The following MARCHF7 variants were observed in gnomAD, a reference collection of about 807,000 sequenced individuals.
MARCHF7 encodes the protein membrane associated ring-CH-type finger 7.
In MARCHF7, 20 loss-of-function variants were observed where a neutral mutation model predicts 76.5. The observed-to-expected ratio is 0.26, with a 90% confidence interval of 0.18 to 0.38. The LOEUF is 0.38. Among genes scored for constraint, MARCHF7 ranks in the 10% least tolerant of loss-of-function variants. The pLI is 1.00. For synonymous variants in MARCHF7, 295 were observed against 293.0 expected, an observed-to-expected ratio of 1.01 and a Z score of -0.07; for missense variants, 797 against 812.9, an observed-to-expected ratio of 0.98 and a Z score of 0.24.
intron 5 of MARCHF7, 44 bp downstream of exon 5, chr2:159,743,297 G>A: frequency 6.5e-7 from 1 of 1,546,324 alleles, no homozygotes; most frequent in East Asian, 2.3e-5. Flanking sequence ...TTTTTCTCCA[G>A]GTGTAACACA....
rs1431967621 is a variant in MARCHF7, at chr2:159,746,007, A to G, written c.514+70A>G. On this transcript the variant is annotated intron_variant, in intron 6 of 11. Coordinates refer to ENST00000409175, the MANE Select transcript of MARCHF7 (RefSeq NM_001282805.2). ...TTTCCTCTTTATGCATGTTACTAAA[A>G]CAACAGTACAAAGGAGTAAAGTGTA... The G allele has an allele frequency of 4.0e-6, 5 of 1,262,870 alleles. No homozygotes were observed. The African/African-American group carries it at 6.0e-5, about 15-fold the overall frequency. 78.2% of individuals were successfully genotyped at this position (1,262,870 alleles called of 1,614,324 possible).
rs1321460670 is a variant in MARCHF7, at chr2:159,748,213, C to T, written c.923C>T (p.Ser308Leu). ...RSSQDSLNTR[S>L]LNSENSYVSP... Reference sequence around the variant, plus strand: ...AGTCAGGATTCCTTGAATACAAGATCATTGAATTCTGAAAATTCTTACGTT... The same window carrying T: ...AGTCAGGATTCCTTGAATACAAGATTATTGAATTCTGAAAATTCTTACGTT... Residue 308 changes from serine (S) to leucine (L), a missense_variant, in exon 7 of 12, where the codon TCA becomes TTA. Coordinates refer to ENST00000409175, the MANE Select transcript of MARCHF7 (RefSeq NM_001282805.2). 1 of 1,613,962 alleles carries T rather than the reference C, an allele frequency of 6.2e-7. No individual in the cohort carries two copies. The highest frequency in any genetic ancestry group is 8.5e-7 in the Non-Finnish European group (1 of 1,179,974).
intron 4 of MARCHF7, among the ~76,000 whole-genome samples, chr2:159,735,148 T>C (rs1044872706): frequency 6.6e-6 from 1 of 152,202 alleles, no homozygotes; most frequent in Non-Finnish European, 1.5e-5. Context: ...AAGTTGTTGC[T>C]CATGGCTAAG....
At chr2:159,744,240 G>A (rs929156677) in intron 5 of MARCHF7, among the ~76,000 whole-genome samples, 30 of 151,814 alleles carry the variant, frequency 2.0e-4, no homozygotes, top group African/African-American at 7.3e-4. Flanking sequence ...CGCCCACCTC[G>A]GCCTCCCAAA....
At chr2:159,766,115 C>A (rs1707732653) in intron 11 of MARCHF7, among the ~76,000 whole-genome samples, 1 of 152,070 alleles carries the variant, frequency 6.6e-6, no homozygotes, top group Non-Finnish European at 1.5e-5. Flanking sequence ...GCATGAAAGA[C>A]AAGGGTGCTG....
chr2:159,759,503 A>ATT (rs5835757), intron 9 of MARCHF7, 168 bp downstream of exon 9: 280 of 301,418 alleles, frequency 9.3e-4, no homozygotes, highest in East Asian at 2.7e-3. Context: ...GAATTTCATA[A>ATT]TTTTTTTTTT....
chr2:159,764,716 T>C, intron 11 of MARCHF7, 42 bp downstream of exon 11: 3 of 1,539,622 alleles, frequency 1.9e-6, no homozygotes. Context: ...GAATTTACTT[T>C]TGCAAATTAA....
At chr2:159,746,149 C>A (rs1391784417) in intron 6 of MARCHF7, among the ~76,000 whole-genome samples, 1 of 152,008 alleles carries the variant, frequency 6.6e-6, no homozygotes, top group Non-Finnish European at 1.5e-5. Context: ...TTCCATCTAC[C>A]TTTACGTTGT....
rs756604895 is a variant in MARCHF7 at position 159,752,468 on chromosome 2, A to G, written c.1680A>G (p.Ala560=). The change falls in exon 8 of 12, where the codon GCA becomes GCG. Residue 560 remains alanine (A), a synonymous_variant. Coordinates refer to ENST00000409175, the MANE Select transcript of MARCHF7 (RefSeq NM_001282805.2). ...DLCRICQMAA[A]SSSNLLIEPC... ...GTAGAATTTGTCAAATGGCAGCTGC[A>G]TCATCATCTAATTTGCTGATAGAGC... 18 of 1,606,910 alleles carry G rather than the reference A, an allele frequency of 1.1e-5. No homozygotes were observed. The Admixed American group carries it at 2.9e-4, about 26-fold the overall frequency.
At chr2:159,764,818 A>G in intron 11 of MARCHF7, 144 bp downstream of exon 11, 1 of 446,096 alleles carries the variant, frequency 2.2e-6, no homozygotes, top group Non-Finnish European at 4.0e-6. Flanking sequence ...TTTGGGAAAT[A>G]TGGGTTGGGA....
intron 8 of MARCHF7, among the ~76,000 whole-genome samples, chr2:159,755,106 GAAA>G (rs1706128277): frequency 3.9e-5 from 6 of 152,178 alleles, no homozygotes; most frequent in Non-Finnish European, 8.8e-5. Flanking sequence ...GGCAACCATA[GAAA>G]TTAAAACCAG....
chr2:159,738,097 G>A (rs1223648656), intron 4 of MARCHF7, among the ~76,000 whole-genome samples: 7 of 152,206 alleles, frequency 4.6e-5, no homozygotes, highest in African/African-American at 7.2e-5. Context: ...CGCAGGGTCC[G>A]GCCACCGTTT....
chr2:159,727,879 C>T (rs574337271), intron 3 of MARCHF7, among the ~76,000 whole-genome samples: 122 of 152,292 alleles, frequency 8.0e-4, no homozygotes, highest in East Asian at 1.2e-3. Flanking sequence ...TCATTACTTT[C>T]GTCGTGGGTT....
chr2:159,763,683 T>C (rs975530946), intron 10 of MARCHF7, among the ~76,000 whole-genome samples: 1 of 152,212 alleles, frequency 6.6e-6, no homozygotes, highest in African/African-American at 2.4e-5. Flanking sequence ...CATAAGTATA[T>C]CCTTCAAACT....
intron 5 of MARCHF7, among the ~76,000 whole-genome samples, chr2:159,744,653 G>T (rs1260302688): frequency 6.6e-6 from 1 of 152,186 alleles, no homozygotes; most frequent in Non-Finnish European, 1.5e-5. Context: ...GAATGCCATG[G>T]GAAAGACGTG....
chr2:159,714,984 C>CA (rs1220260585), intron 2 of MARCHF7, among the ~76,000 whole-genome samples: 2 of 152,158 alleles, frequency 1.3e-5, no homozygotes, highest in Non-Finnish European at 2.9e-5. Context: ...TGTTCCTTAA[C>CA]AAAATAAAAA....
At chr2:159,748,929 C>A in intron 7 of MARCHF7, 26 bp downstream of exon 7, 1 of 1,513,498 alleles carries the variant, frequency 6.6e-7, no homozygotes, top group Middle Eastern at 1.9e-4. Flanking sequence ...TGTCTTAAGC[C>A]TATAAATCAA....
chr2:159,737,680 C>T lies in MARCHF7; in HGVS notation c.154-5381C>T, dbSNP rs555204900. On this transcript the variant is annotated intron_variant, in intron 4 of 11. Coordinates refer to ENST00000409175, the MANE Select transcript of MARCHF7 (RefSeq NM_001282805.2). ...TCGCATGCCTGTAGTCTCAGCTACT[C>T]TGGAGGCTGAGGTGGAAGGATTGCT... Among the ~76,000 whole-genome samples the T allele has an allele frequency of 3.9e-5, 6 of 152,216 alleles. No individual in the cohort carries two copies. In the East Asian group the frequency reaches 9.7e-4, roughly 24 times the overall value.
In MARCHF7 at chr2:159,770,936, G is replaced by A. The variant is rs1481721489; in HGVS notation, c.*3594G>A. 3 of 151,988 alleles carry A rather than the reference G, an allele frequency of 2.0e-5. No individual in the cohort carries two copies. The highest frequency in any genetic ancestry group is 4.4e-5 in the Non-Finnish European group (3 of 67,960). 9.4% of individuals were successfully genotyped at this position (151,988 alleles called of 1,614,324 possible). On this transcript the variant is annotated 3_prime_UTR_variant, in exon 12 of 12. Coordinates refer to ENST00000409175, the MANE Select transcript of MARCHF7 (RefSeq NM_001282805.2). Reference sequence around the variant, plus strand: ...TTATTGATGGTGAGGAAAATTACTCGTTTCAGCTTTTTCATTTTTTTACTC... The same window carrying A: ...TTATTGATGGTGAGGAAAATTACTCATTTCAGCTTTTTCATTTTTTTACTC...
Sources: gnomAD v4.1 joint callset for allele counts (sites outside exome capture counted in the v4.1 genomes callset) on GRCh38, gnomAD v4.1.1 for gene constraint, MANE v1.5 for transcripts, NCBI Gene and HGNC (gene_info 2026-07-23, HGNC 2026-07-21) for gene names.